CCT6B: variants seen among roughly 807,000 people sequenced by gnomAD.
CCT6B encodes chaperonin containing TCP1 subunit 6B.
CCT6B carries 49 observed loss-of-function variants against 61.5 expected under a neutral mutation model. That is an observed-to-expected ratio of 0.80 (90% CI 0.63 to 1.01). The LOEUF (loss-of-function observed/expected upper bound fraction) is 1.01. Among genes scored for constraint, CCT6B ranks in the 50% least tolerant of loss-of-function variants. The pLI, the probability that CCT6B is intolerant of heterozygous loss-of-function variation, is 0.00. For synonymous variants in CCT6B, 228 were observed against 214.5 expected, an observed-to-expected ratio of 1.06 and a Z score of -0.55; for missense variants, 666 against 634.7, an observed-to-expected ratio of 1.05 and a Z score of -0.53.
chr17:34,961,174 G>C, intron 1 of CCT6B, 83 bp downstream of exon 1: 1 of 1,479,572 alleles, frequency 6.8e-7, no homozygotes, highest in South Asian at 1.3e-5. Flanking sequence ...CATCCACAGC[G>C]CTACGCGGAC....
At chr17:34,934,669 G>A (rs2090074904) in intron 10 of CCT6B, among the ~76,000 whole-genome samples, 1 of 152,200 alleles carries the variant, frequency 6.6e-6, no homozygotes, top group East Asian at 1.9e-4. Context: ...GTCATTAAAA[G>A]CTTTCCCACA....
intron 10 of CCT6B, among the ~76,000 whole-genome samples, chr17:34,933,577 C>T (rs1340780145): frequency 6.6e-6 from 1 of 152,062 alleles, no homozygotes; most frequent in East Asian, 1.9e-4. Flanking sequence ...ACAGAATATA[C>T]TCAAAAGAAT....
intron 4 of CCT6B, among the ~76,000 whole-genome samples, chr17:34,954,000 T>C (rs1272356744): frequency 6.6e-6 from 1 of 152,132 alleles, no homozygotes; most frequent in Non-Finnish European, 1.5e-5. Flanking sequence ...ACATTTCCAA[T>C]ATGTGAATAT....
At chr17:34,950,346 T>A (rs1286101232) in intron 5 of CCT6B, among the ~76,000 whole-genome samples, 1 of 151,590 alleles carries the variant, frequency 6.6e-6, no homozygotes, top group East Asian at 1.9e-4. Flanking sequence ...AAAAAGTAAA[T>A]TAAATAATAA....
chr17:34,938,185 T>C (rs944480945), intron 10 of CCT6B, among the ~76,000 whole-genome samples: 4 of 152,124 alleles, frequency 2.6e-5, no homozygotes, highest in Non-Finnish European at 5.9e-5. Context: ...CCACTGTGCA[T>C]GGCCAACAAT....
At chr17:34,936,647 A>G (rs1251608484) in intron 10 of CCT6B, among the ~76,000 whole-genome samples, 1 of 152,168 alleles carries the variant, frequency 6.6e-6, no homozygotes, top group African/African-American at 2.4e-5. Context: ...TCAGAAATGG[A>G]AATTTTAAAA....
In CCT6B at chr17:34,928,114, T is replaced by C; in HGVS notation, c.1527A>G (p.Thr509=). ...CVKKQLLHSC[T]VIATNILLVD... The stretch of plus-strand genomic sequence containing the variant: ...CCAGGAGAATGTTGGTGGCAATCAC[T>C]GTGCTAAGGAAAAAGATGAGAGGGT... The change falls in exon 14 of 14, where the codon ACA becomes ACG. Residue 509 remains threonine, a synonymous_variant. Coordinates refer to ENST00000314144, the MANE Select transcript of CCT6B (RefSeq NM_006584.4). The C allele has an allele frequency of 6.2e-7, 1 of 1,609,678 alleles. No individual in the cohort carries two copies.
At position 34,949,004 on chromosome 17, in the gene CCT6B, T is replaced by C. The variant is rs1298323823; in HGVS notation, c.614+2946A>G. On this transcript the variant is annotated intron_variant, in intron 5 of 13. Coordinates refer to ENST00000314144, the MANE Select transcript of CCT6B (RefSeq NM_006584.4). ...GAGCTGTAATTGTGCCACTGCCCTC[T>C]AGCCTGGGTGACAGAGCAAGACCCT... 2.2e-5 allele frequency among the ~76,000 whole-genome samples: 3 copies of C among 133,858 alleles called. No homozygotes were observed. In the Admixed American group the frequency reaches 2.7e-4, roughly 12 times the overall value. 87.8% of individuals were successfully genotyped at this position (133,858 alleles called of 152,430 possible).
chr17:34,940,409 C>G (rs1366657055), intron 8 of CCT6B, 130 bp downstream of exon 8: 1 of 566,180 alleles, frequency 1.8e-6, no homozygotes, highest in African/African-American at 2.0e-5. Context: ...AAACTAAAAA[C>G]AAAATTTGGA....
chr17:34,948,903 C>T (rs938504676), intron 5 of CCT6B, among the ~76,000 whole-genome samples: 9 of 151,402 alleles, frequency 5.9e-5, no homozygotes, highest in African/African-American at 1.7e-4. Flanking sequence ...GACATGGTGG[C>T]GCATATCTGT....
At chr17:34,935,521 G>C (rs900425839) in intron 10 of CCT6B, among the ~76,000 whole-genome samples, 2 of 152,096 alleles carry the variant, frequency 1.3e-5, no homozygotes, top group African/African-American at 2.4e-5. Flanking sequence ...AGAATGTAAG[G>C]TTTGACATTT....
chr17:34,958,803 C>T (rs2090377620), intron 2 of CCT6B, 109 bp from the exon 3 acceptor site: 5 of 725,316 alleles, frequency 6.9e-6, no homozygotes, highest in East Asian at 3.1e-5. Context: ...ATGAAATAAG[C>T]TTCATTCTAC....
intron 3 of CCT6B, among the ~76,000 whole-genome samples, chr17:34,956,068 C>T (rs890929396): frequency 8.5e-5 from 13 of 152,296 alleles, no homozygotes; most frequent in South Asian, 2.1e-4. Context: ...CCAACCTGAC[C>T]ATATCAGTCA....
chr17:34,931,080 T>A (rs537445931), intron 11 of CCT6B, 29 bp from the exon 12 acceptor site: 61 of 723,656 alleles, frequency 8.4e-5, no homozygotes, highest in Non-Finnish European at 1.1e-4. Context: ...TAATATATAT[T>A]ATATATATAT....
chr17:34,928,190 C>T (rs1288289152), intron 13 of CCT6B, 73 bp from the exon 14 acceptor site: 1 of 877,522 alleles, frequency 1.1e-6, no homozygotes, highest in Non-Finnish European at 1.9e-6. Flanking sequence ...CAATCTTTAC[C>T]TATGTAGGGT....
intron 10 of CCT6B, among the ~76,000 whole-genome samples, chr17:34,937,321 A>G (rs1021938324): frequency 2.0e-5 from 3 of 152,202 alleles, no homozygotes; most frequent in African/African-American, 4.8e-5. Context: ...TTCAAGATTT[A>G]TTATAAAGCT....
rs1175015026 is a variant in CCT6B at position 34,942,909 on chromosome 17, A to G, written c.615-3T>C. The G allele has an allele frequency of 1.3e-6, 2 of 1,494,912 alleles. No homozygotes were observed. Among genetic ancestry groups the G allele is most frequent in the Non-Finnish European group, 1.8e-6 (2 of 1,089,768 alleles). The allele number at this position is 1,494,912 out of a possible 1,614,324, so 92.6% of individuals were successfully genotyped here. On this transcript the variant is annotated splice_polypyrimidine_tract_variant and splice_region_variant and intron_variant, in intron 5 of 13. Transcript: ENST00000314144. ...CCAAAACTAATCCTTGGATCAACCT[A>G]TTAAAAATATTAATGTTTCTTACTT...
At chr17:34,929,491 CTTTTT>C (rs112985335) in intron 12 of CCT6B, among the ~76,000 whole-genome samples, 21 of 126,758 alleles carry the variant, frequency 1.7e-4, no homozygotes, top group African/African-American at 5.8e-4. Context: ...TGTTTTCTTT[CTTTTT>C]TTTTTTTTTT....
Position 34,959,624 on chromosome 17 carries a change from T to G in CCT6B, c.164A>C (p.Lys55Thr), listed in dbSNP as rs764479786. The change falls in exon 2 of 14, where the codon AAA becomes ACA. Residue 55 changes from lysine to threonine, a missense_variant. Lys to Thr is a moderately conservative substitution (Grantham distance 78). Transcript: ENST00000314144. ...CAGCACATTGCCATCTTTGGTGAGT[T>G]TGATGTCACCTGCACCAGAAACAAG... ...KMLVSGAGDI[K>T]LTKDGNVLLD... 2 of 1,613,164 alleles carry G rather than the reference T, an allele frequency of 1.2e-6. No individual in the cohort carries two copies. Among genetic ancestry groups the G allele is most frequent in the East Asian group, 4.5e-5 (2 of 44,876 alleles).
Sources: allele counts gnomAD v4.1 joint callset (sites outside exome capture counted in the v4.1 genomes callset), GRCh38; gene constraint gnomAD v4.1.1; transcripts MANE v1.5; gene names NCBI Gene and HGNC (gene_info 2026-07-23, HGNC 2026-07-21).